UXS1: variants seen among roughly 807,000 people sequenced by gnomAD.
UXS1 encodes the protein UDP-glucuronate decarboxylase 1.
Under a neutral mutation model 62.6 loss-of-function variants are expected in UXS1, and 33 were observed. That is an observed-to-expected ratio of 0.53 (90% CI 0.40 to 0.70). The LOEUF (loss-of-function observed/expected upper bound fraction) is 0.70, where lower values mean the gene tolerates loss of function less well. UXS1 is among the 30% of genes least tolerant of loss of function. The pLI is 0.00. For synonymous variants in UXS1, 213 were observed against 206.8 expected (o/e 1.03, Z -0.26); for missense variants, 434 against 556.3 (o/e 0.78, Z 2.21).
chr2:106,145,262 C>T lies in UXS1; in HGVS notation c.400G>A (p.Val134Met), dbSNP rs762838871. The T allele has an allele frequency of 4.3e-6, 7 of 1,613,994 alleles. No homozygotes were observed. Among genetic ancestry groups the T allele is most frequent in the Middle Eastern group, 1.6e-4 (1 of 6,062 alleles). ...DNFFTGRKRN[V>M]EHWIGHENFE... The stretch of plus-strand genomic sequence containing the variant: ...TTCTCATGTCCGATCCAGTGCTCCA[C>T]GTTTCTCTTCCTGCCCGTGAAGAAA... Residue 134 changes from valine to methionine, a missense_variant, in exon 6 of 15, where the codon GTG (valine) becomes ATG (methionine). By Grantham distance (21) the Val-to-Met change is conservative. Coordinates refer to ENST00000283148, the MANE Select transcript of UXS1 (RefSeq NM_001253875.2).
chr2:106,098,159 AG>A (rs1168957879), intron 13 of UXS1, among the ~76,000 whole-genome samples: 1 of 152,238 alleles, frequency 6.6e-6, no homozygotes, highest in Admixed American at 6.5e-5. Context: ...TCAGAGCTCC[AG>A]GAAGTCTGAA....
chr2:106,190,972 A>G (rs537326204), intron 1 of UXS1, among the ~76,000 whole-genome samples: 4 of 152,212 alleles, frequency 2.6e-5, no homozygotes, highest in African/African-American at 7.2e-5. Context: ...ATGAGCCATT[A>G]GCACTGCTAT....
At chr2:106,164,840 G>A (rs772285648) in intron 2 of UXS1, 41 bp from the exon 3 acceptor site, 4 of 1,460,672 alleles carry the variant, frequency 2.7e-6, no homozygotes, top group East Asian at 2.4e-5. Context: ...GTGACTTTAA[G>A]ACTGTTTCTG....
At chr2:106,190,742 T>TTAA (rs1573603747) in intron 1 of UXS1, among the ~76,000 whole-genome samples, 1 of 9,970 alleles carries the variant, frequency 1.0e-4, no homozygotes, top group African/African-American at 3.2e-4. Flanking sequence ...AAACTCTGTA[T>TTAA]CAAAAAAAAA....
At chr2:106,096,961 C>A in intron 13 of UXS1, 140 bp from the exon 14 acceptor site, 1 of 834,524 alleles carries the variant, frequency 1.2e-6, no homozygotes, top group Non-Finnish European at 2.0e-6. Context: ...TCTGAGAAGC[C>A]CCGGAGCTCC....
At chr2:106,115,399 A>G (rs1678981046) in intron 9 of UXS1, among the ~76,000 whole-genome samples, 1 of 152,238 alleles carries the variant, frequency 6.6e-6, no homozygotes, top group Admixed American at 6.5e-5. Context: ...GCTGACACTG[A>G]GCTGGTGCCT....
At chr2:106,140,414 ACTT>A (rs1438849248) in intron 6 of UXS1, among the ~76,000 whole-genome samples, 3 of 152,236 alleles carry the variant, frequency 2.0e-5, no homozygotes, top group Non-Finnish European at 4.4e-5. Flanking sequence ...TCTAAATGAT[ACTT>A]CAACAAAAAT....
At chr2:106,194,047 G>A (rs1235984031) in intron 1 of UXS1, 101 bp downstream of exon 1, 2 of 877,466 alleles carry the variant, frequency 2.3e-6, no homozygotes, top group Non-Finnish European at 3.1e-6. Context: ...AGCAACGCGG[G>A]GCTGCAGGGC....
At chr2:106,188,630 C>G (rs1684729293) in intron 1 of UXS1, among the ~76,000 whole-genome samples, 1 of 152,322 alleles carries the variant, frequency 6.6e-6, no homozygotes, top group African/African-American at 2.4e-5. Flanking sequence ...GCCAAGCCTC[C>G]CCTTCCTGCA....
intron 5 of UXS1, among the ~76,000 whole-genome samples, chr2:106,147,665 C>A (rs1406291866): frequency 6.6e-6 from 1 of 152,142 alleles, no homozygotes; most frequent in Non-Finnish European, 1.5e-5. Flanking sequence ...TCTTTTTGGG[C>A]CAAACCAATG....
At chr2:106,151,402 G>A (rs897410340) in intron 5 of UXS1, among the ~76,000 whole-genome samples, 2 of 152,088 alleles carry the variant, frequency 1.3e-5, no homozygotes, top group Non-Finnish European at 2.9e-5. Context: ...TGGGCTATGA[G>A]GGCCCCACCC....
At chr2:106,174,936 T>C (rs1407473125) in intron 1 of UXS1, among the ~76,000 whole-genome samples, 2 of 152,150 alleles carry the variant, frequency 1.3e-5, no homozygotes, top group East Asian at 3.9e-4. Context: ...CCAGATTCCT[T>C]CCCATCTGCA....
intron 7 of UXS1, 57 bp downstream of exon 7, chr2:106,129,617 G>C: frequency 7.4e-7 from 1 of 1,360,440 alleles, no homozygotes; most frequent in South Asian, 1.2e-5. Flanking sequence ...ACCTATGCTT[G>C]TAATCATCTA....
intron 6 of UXS1, among the ~76,000 whole-genome samples, chr2:106,139,651 G>T (rs1680942626): frequency 6.6e-6 from 1 of 152,156 alleles, no homozygotes; most frequent in African/African-American, 2.4e-5. Context: ...CATAAAAACT[G>T]ACTGTAGCTT....
chr2:106,194,191 C>T lies in UXS1; in HGVS notation c.51G>A (p.Arg17=), dbSNP rs1685123792. 6.8e-7 allele frequency: 1 copy of T among 1,480,068 alleles called. No individual in the cohort carries two copies. Among genetic ancestry groups the T allele is most frequent in the South Asian group, 1.3e-5 (1 of 79,140 alleles). The allele number at this position is 1,480,068 out of a possible 1,614,324, so 91.7% of individuals were successfully genotyped here. A position where few individuals can be genotyped will look rare whatever the true frequency, so the allele number is the denominator to read the frequency against. The change falls in exon 1 of 15, where the codon AGG becomes AGA. Residue 17 remains arginine, a synonymous_variant. Coordinates refer to ENST00000283148, the MANE Select transcript of UXS1 (RefSeq NM_001253875.2). ...AGGCGATGCCCAGCAGCAGCTTCAT[C>T]CTCCTGCGGTTGACGGCAGACACGA... ...LRLVSAVNRR[R]MKLLLGIALL... is the part of the protein sequence containing the mutation.
intron 9 of UXS1, among the ~76,000 whole-genome samples, chr2:106,117,799 A>T (rs984487088): frequency 6.6e-6 from 1 of 152,228 alleles, no homozygotes; most frequent in African/African-American, 2.4e-5. Context: ...CCTGTCATGC[A>T]TACATCTCGA....
rs369007917 is a variant in UXS1 at position 106,122,956 on chromosome 2, C to G, written c.759+14G>C. ...AGCACGCCTAAACCGCAAGCCTAGACCCTGGTGAAATACCTGCTTCATGTA... is the reference window on the plus strand; with the variant it reads ...AGCACGCCTAAACCGCAAGCCTAGAGCCTGGTGAAATACCTGCTTCATGTA... On this transcript the variant is annotated intron_variant, in intron 9 of 14. Transcript: ENST00000283148. The G allele has an allele frequency of 1.1e-5, 17 of 1,613,332 alleles. No homozygotes were observed. The highest frequency in any genetic ancestry group is 1.4e-5 in the Non-Finnish European group (17 of 1,179,544).
intron 1 of UXS1, among the ~76,000 whole-genome samples, chr2:106,173,270 GA>G (rs1178772846): frequency 2.6e-5 from 4 of 152,210 alleles, no homozygotes; most frequent in African/African-American, 4.8e-5. Context: ...GCAGAAGTCA[GA>G]AAACTGTAGG....
intron 7 of UXS1, among the ~76,000 whole-genome samples, chr2:106,127,238 T>C (rs55777752): frequency 0.03 from 4,608 of 152,304 alleles, 95 homozygotes; most frequent in East Asian, 0.065. Flanking sequence ...TAAATTTTCA[T>C]TTCTCTGGGA....
Sources: gnomAD v4.1 joint callset for allele counts (sites outside exome capture counted in the v4.1 genomes callset) on GRCh38, gnomAD v4.1.1 for gene constraint, MANE v1.5 for transcripts, NCBI Gene and HGNC (gene_info 2026-07-23, HGNC 2026-07-21) for gene names.